KLC1: variants seen among roughly 807,000 people sequenced by gnomAD.
The protein encoded by KLC1 is kinesin light chain 1, also known as kinesin 2 60/70kDa.
In KLC1, 30 loss-of-function variants were observed where a neutral mutation model predicts 84.2. That is an observed-to-expected ratio of 0.36 (90% CI 0.27 to 0.48). KLC1 has a LOEUF of 0.48. KLC1 is among the 20% of genes least tolerant of loss of function. The probability of loss-of-function intolerance (pLI) is 0.99; values close to 1 mark genes in which losing one functional copy is unlikely to be tolerated. For synonymous variants in KLC1, 289 were observed against 293.3 expected (o/e 0.99, Z 0.15); for missense variants, 499 against 805.4 (o/e 0.62, Z 4.60).
chr14:103,698,297 G>A (rs3212118), intron 15 of KLC1: 4,524 of 176,534 alleles, frequency 0.026, 227 homozygotes, highest in African/African-American at 0.1. Context: ...AGGAGGAGCC[G>A]CCTGCCTGCA....
intron 1 of KLC1, among the ~76,000 whole-genome samples, chr14:103,649,202 G>A (rs1389014458): frequency 6.6e-6 from 1 of 151,682 alleles, no homozygotes; most frequent in Non-Finnish European, 1.5e-5. Context: ...GAGACTGAAG[G>A]TGGGGAATTG....
chr14:103,638,820 GTGTA>G (rs1489027578), intron 1 of KLC1, among the ~76,000 whole-genome samples: 3 of 151,570 alleles, frequency 2.0e-5, no homozygotes, highest in Admixed American at 6.6e-5. Flanking sequence ...ACAGTGGTGT[GTGTA>G]TGTATGAACA....
intron 1 of KLC1, among the ~76,000 whole-genome samples, chr14:103,641,580 C>T (rs1567008576): frequency 6.6e-6 from 1 of 151,918 alleles, no homozygotes; most frequent in Non-Finnish European, 1.5e-5. Context: ...AGAGAGTTCC[C>T]TTTTTAAAAA....
At chr14:103,665,440 C>T (rs2079689667) in intron 5 of KLC1, among the ~76,000 whole-genome samples, 4 of 151,902 alleles carry the variant, frequency 2.6e-5, no homozygotes. Flanking sequence ...CTGTCCTGTC[C>T]TGTCTTGTGT....
At chr14:103,686,291 C>T (rs775746961) in intron 13 of KLC1, 184 of 893,258 alleles carry the variant, frequency 2.1e-4, no homozygotes, top group Non-Finnish European at 2.4e-4. Context: ...CGCCGCATGG[C>T]ACAGCTGCTA....
chr14:103,657,157 G>A (rs758811930), intron 2 of KLC1, among the ~76,000 whole-genome samples: 3 of 152,196 alleles, frequency 2.0e-5, no homozygotes, highest in African/African-American at 7.2e-5. Context: ...CACTCTGTGC[G>A]CAGACATGCA....
chr14:103,674,980 G>C (rs1464881745), intron 9 of KLC1, among the ~76,000 whole-genome samples: 1 of 152,096 alleles, frequency 6.6e-6, no homozygotes, highest in Admixed American at 6.6e-5. Flanking sequence ...TTTTCCTCCA[G>C]TGTGAACCTA....
intron 14 of KLC1, among the ~76,000 whole-genome samples, chr14:103,690,501 G>T (rs1019160820): frequency 6.6e-6 from 1 of 152,216 alleles, no homozygotes; most frequent in Admixed American, 6.5e-5. Context: ...GCTGACACAC[G>T]GGTGGGTGCC....
chr14:103,699,321 T>A, intron 15 of KLC1: 1 of 1,560,334 alleles, frequency 6.4e-7, no homozygotes, highest in African/African-American at 1.4e-5. Context: ...GCATCCTGGC[T>A]AAAAATACGA....
chr14:103,657,170 T>C (rs905241599), intron 2 of KLC1, among the ~76,000 whole-genome samples: 15 of 152,174 alleles, frequency 9.9e-5, no homozygotes, highest in Admixed American at 9.2e-4. Context: ...GACATGCATG[T>C]GTGTACACGA....
intron 5 of KLC1, among the ~76,000 whole-genome samples, chr14:103,667,005 C>G (rs2151630141): frequency 6.6e-6 from 1 of 151,684 alleles, no homozygotes; most frequent in Admixed American, 6.6e-5. Flanking sequence ...TCTCAAACTC[C>G]TGACCTCAGG....
At position 103,673,355 on chromosome 14, in the gene KLC1, A is replaced by G. The variant is rs1288269233; in HGVS notation, c.1185A>G (p.Gly395=). ...NNLASCYLKQ[G]KFKQAETLYK... ...AGGCATCCTGCTATTTGAAACAAGG[A>G]AAGTTCAAGCAAGCAGAAACACTGT... Residue 395 remains glycine (G), a synonymous_variant, in exon 9 of 17, where the codon GGA becomes GGG. Transcript: ENST00000334553. The G allele has an allele frequency of 5.0e-6, 8 of 1,602,884 alleles. No homozygotes were observed. Among genetic ancestry groups the G allele is most frequent in the Admixed American group, 1.7e-5 (1 of 57,240 alleles).
At chr14:103,695,362 CA>C (rs2082377841) in intron 15 of KLC1, 1 of 502,014 alleles carries the variant, frequency 2.0e-6, no homozygotes, top group African/African-American at 2.3e-5. Flanking sequence ...TATATATATA[CA>C]TACATATATA....
At chr14:103,648,968 C>T (rs1008418073) in intron 1 of KLC1, among the ~76,000 whole-genome samples, 1 of 152,008 alleles carries the variant, frequency 6.6e-6, no homozygotes, top group Non-Finnish European at 1.5e-5. Context: ...GAAACTGTGT[C>T]TCTACTAAAA....
intron 4 of KLC1, 104 bp downstream of exon 4, chr14:103,662,298 C>A: frequency 1.1e-6 from 1 of 930,462 alleles, no homozygotes; most frequent in Non-Finnish European, 1.8e-6. Context: ...ATGCGGCCTG[C>A]CTGGAGGAAG....
At position 103,670,160 on chromosome 14, in the gene KLC1, G is replaced by A. The variant is rs377594364; in HGVS notation, c.886-22G>A. Reference sequence around the variant, plus strand: ...ATTTGGTTATCTTTTACCATTCTTAGTGGTTCTCTCTGTGTTGACAGGTGG... The same window carrying A: ...ATTTGGTTATCTTTTACCATTCTTAATGGTTCTCTCTGTGTTGACAGGTGG... On this transcript the variant is annotated intron_variant, in intron 6 of 16. Coordinates refer to ENST00000334553, the MANE Select transcript of KLC1 (RefSeq NM_001394837.1). 1.2e-5 allele frequency: 18 copies of A among 1,560,512 alleles called. No individual in the cohort carries two copies. The African/African-American group carries it at 1.6e-4, about 14-fold the overall frequency.
intron 1 of KLC1, among the ~76,000 whole-genome samples, chr14:103,643,616 A>G (rs190793104): frequency 8.5e-5 from 13 of 152,340 alleles, no homozygotes; most frequent in Admixed American, 3.9e-4. Context: ...ATGAGACATC[A>G]ATCAGATACA....
At chr14:103,657,914 A>G in intron 3 of KLC1, 138 bp downstream of exon 3, 1 of 695,562 alleles carries the variant, frequency 1.4e-6, no homozygotes, top group Non-Finnish European at 2.4e-6. Flanking sequence ...TTTTGTAAAT[A>G]TAAGCCACAA....
intron 1 of KLC1, among the ~76,000 whole-genome samples, chr14:103,634,561 G>C (rs1236548299): frequency 6.6e-6 from 1 of 152,062 alleles, no homozygotes; most frequent in Admixed American, 6.6e-5. Context: ...TGAGCCAGTC[G>C]GGTGTGATGT....
Sources: gnomAD v4.1 joint callset for allele counts (sites outside exome capture counted in the v4.1 genomes callset) on GRCh38, gnomAD v4.1.1 for gene constraint, MANE v1.5 for transcripts, NCBI Gene and HGNC (gene_info 2026-07-23, HGNC 2026-07-21) for gene names.